The following PRKN variants were observed in gnomAD, a reference collection of about 807,000 sequenced individuals.
The protein encoded by PRKN is parkin RBR E3 ubiquitin protein ligase.
A neutral mutation model predicts 59.5 loss-of-function variants in PRKN; 56 were observed. The ratio of observed to expected loss-of-function variants is 0.94; its 90% CI spans 0.76 to 1.18. The LOEUF (loss-of-function observed/expected upper bound fraction) is 1.18. Among genes scored for constraint, PRKN ranks in the 50% most tolerant of loss-of-function variants. The probability of loss-of-function intolerance (pLI) is 0.00; values close to 1 mark genes in which losing one functional copy is unlikely to be tolerated. For synonymous variants in PRKN, 250 were observed against 222.1 expected (o/e 1.13, Z -1.12); for missense variants, 657 against 596.4 (o/e 1.10, Z -1.06).
chr6:162,647,889 T>A (rs1002820755), intron 1 of PRKN, among the ~76,000 whole-genome samples: 1 of 130,364 alleles, frequency 7.7e-6, no homozygotes, highest in Non-Finnish European at 1.5e-5. Flanking sequence ...TCTAGCTATA[T>A]AAGATCATGT....
chr6:161,465,465 G>C (rs1265249815), intron 9 of PRKN, among the ~76,000 whole-genome samples: 3 of 149,722 alleles, frequency 2.0e-5, no homozygotes, highest in Non-Finnish European at 4.5e-5. Flanking sequence ...ATTTTTGGGG[G>C]CCTTTCTTTT....
chr6:162,390,986 A>G (rs920903658), intron 2 of PRKN, among the ~76,000 whole-genome samples: 7 of 152,216 alleles, frequency 4.6e-5, no homozygotes, highest in Non-Finnish European at 8.8e-5. Context: ...CTTTTAATTC[A>G]GATGCTGAAT....
chr6:162,575,155 C>T (rs963488324), intron 1 of PRKN, among the ~76,000 whole-genome samples: 2 of 152,124 alleles, frequency 1.3e-5, no homozygotes, highest in African/African-American at 4.8e-5. Flanking sequence ...TGAGGCTCGA[C>T]GTCCCTCAAA....
At chr6:161,681,921 C>T (rs1350401540) in intron 7 of PRKN, among the ~76,000 whole-genome samples, 1 of 152,278 alleles carries the variant, frequency 6.6e-6, no homozygotes, top group Non-Finnish European at 1.5e-5. Context: ...GAGCAAAGGG[C>T]TCCTGCAGAT....
chr6:161,435,482 G>A (rs765586858), intron 9 of PRKN, among the ~76,000 whole-genome samples: 18 of 151,932 alleles, frequency 1.2e-4, no homozygotes, highest in Non-Finnish European at 2.5e-4. Flanking sequence ...ATTCATATGA[G>A]CTTTATGAAT....
chr6:161,902,647 G>A (rs1442438676), intron 6 of PRKN, among the ~76,000 whole-genome samples: 1 of 144,296 alleles, frequency 6.9e-6, no homozygotes, highest in African/African-American at 2.6e-5. Context: ...GCAACCCTCC[G>A]CCTCTTGGGT....
chr6:161,541,296 C>A (rs1175358713), intron 9 of PRKN, among the ~76,000 whole-genome samples: 1 of 152,198 alleles, frequency 6.6e-6, no homozygotes, highest in Non-Finnish European at 1.5e-5. Flanking sequence ...TGGCTAAAGG[C>A]TGCCATGTCA....
In PRKN at chr6:161,546,144, A is replaced by C. The variant is rs1779787579; in HGVS notation, c.1083+2710T>G. ...TTGGGTGAGCTTTGGATAAATATTC[A>C]TTAAGCTTTTGATTAAATATTAAAT... On this transcript the variant is annotated intron_variant, in intron 9 of 11. Transcript: ENST00000366898. The surrounding 1 kb of genome is among the most constrained non-coding windows in gnomAD (Gnocchi z 4.4). 6.6e-6 allele frequency among the ~76,000 whole-genome samples: 1 copy of C among 152,224 alleles called. No homozygotes were observed. The highest frequency in any genetic ancestry group is 1.5e-5 in the Non-Finnish European group (1 of 68,028).
chr6:162,241,980 A>T (rs1307591962), intron 3 of PRKN, among the ~76,000 whole-genome samples: 2 of 152,080 alleles, frequency 1.3e-5, no homozygotes, highest in Non-Finnish European at 2.9e-5. Flanking sequence ...CCATATTTCA[A>T]ACTACTTTAT....
At chr6:162,372,710 T>A (rs1315108987) in intron 2 of PRKN, among the ~76,000 whole-genome samples, 1 of 151,996 alleles carries the variant, frequency 6.6e-6, no homozygotes, top group African/African-American at 2.4e-5. Context: ...GAATGTAAAA[T>A]AAAAGTTGAA....
At chr6:161,744,803 G>C (rs1788346091) in intron 7 of PRKN, among the ~76,000 whole-genome samples, 1 of 152,176 alleles carries the variant, frequency 6.6e-6, no homozygotes, top group African/African-American at 2.4e-5. Context: ...TGCTGGCTCA[G>C]AGATTAACAA....
chr6:161,677,201 T>C (rs1159001971), intron 7 of PRKN, among the ~76,000 whole-genome samples: 5 of 152,064 alleles, frequency 3.3e-5, no homozygotes, highest in Admixed American at 3.3e-4. Flanking sequence ...TACAAGTGGA[T>C]TATCTATTTT....
At chr6:162,643,397 C>CAAAAAAAAAAA (rs59995115) in intron 1 of PRKN, among the ~76,000 whole-genome samples, 37 of 82,320 alleles carry the variant, frequency 4.5e-4, no homozygotes, top group Non-Finnish European at 5.4e-4. Context: ...GACTCTGCCT[C>CAAAAAAAAAAA]AAAAAAAAAA....
At position 161,593,878 on chromosome 6, in the gene PRKN, G is replaced by A. The variant is rs570925633; in HGVS notation, c.872-24462C>T. 1.3e-4 allele frequency among the ~76,000 whole-genome samples: 20 copies of A among 152,120 alleles called. No individual in the cohort carries two copies. The East Asian group carries it at 2.3e-3, about 18-fold the overall frequency. On this transcript the variant is annotated intron_variant, in intron 7 of 11. Coordinates refer to ENST00000366898, the MANE Select transcript of PRKN (RefSeq NM_004562.3). The surrounding 1 kb of genome is among the most constrained non-coding windows in gnomAD (Gnocchi z 4.8). The stretch of plus-strand genomic sequence containing the variant: ...TAGAATTGACTGCTGGAGGCCGGGC[G>A]CAGTGGCTCATGCCTGTAATCCCAG...
chr6:162,598,423 G>GA (rs1487916058), intron 1 of PRKN, among the ~76,000 whole-genome samples: 2 of 152,146 alleles, frequency 1.3e-5, no homozygotes, highest in Admixed American at 1.3e-4. Context: ...GAAAAACACA[G>GA]AAAAATTGCT....
chr6:162,117,102 G>A (rs865824065), intron 4 of PRKN, among the ~76,000 whole-genome samples: 2 of 152,140 alleles, frequency 1.3e-5, no homozygotes, highest in Non-Finnish European at 1.5e-5. Flanking sequence ...TGTAATTCAC[G>A]ATGACATAAA....
At chr6:162,634,553 T>C (rs185101084) in intron 1 of PRKN, among the ~76,000 whole-genome samples, 1 of 152,334 alleles carries the variant, frequency 6.6e-6, no homozygotes, top group Admixed American at 6.5e-5. Flanking sequence ...AGAGCTTTGA[T>C]GTCTTATTTA....
intron 4 of PRKN, among the ~76,000 whole-genome samples, chr6:162,076,866 A>C (rs948689634): frequency 2.6e-5 from 4 of 152,182 alleles, no homozygotes; most frequent in African/African-American, 9.7e-5. Flanking sequence ...CTTGATTATA[A>C]ATCATTGACT....
At chr6:162,616,765 T>C (rs906741851) in intron 1 of PRKN, among the ~76,000 whole-genome samples, 1 of 152,186 alleles carries the variant, frequency 6.6e-6, no homozygotes, top group African/African-American at 2.4e-5. Flanking sequence ...GACATATACA[T>C]TATGTAACAG....
Sources: gnomAD v4.1 joint callset for allele counts (sites outside exome capture counted in the v4.1 genomes callset) on GRCh38, gnomAD v4.1.1 for gene constraint, Gnocchi (gnomAD v3.1) non-coding constraint, MANE v1.5 for transcripts, NCBI Gene and HGNC (gene_info 2026-07-23, HGNC 2026-07-21) for gene names.